Variants in CDH13 observed in about 807,000 individuals in gnomAD.
CDH13 encodes the protein cadherin-13.
CDH13 carries 24 observed loss-of-function variants against 63.8 expected under a neutral mutation model. The ratio of observed to expected loss-of-function variants is 0.38; its 90% confidence interval spans 0.27 to 0.53. The LOEUF (loss-of-function observed/expected upper bound fraction) is 0.53. Ranked by LOEUF, CDH13 falls within the 20% of genes least tolerant of loss-of-function variation. The pLI is 0.85. For missense variants in CDH13, 1,049 were observed against 903.1 expected, an observed-to-expected ratio of 1.16 and a Z score of -2.07; for synonymous variants, 503 against 355.3, an observed-to-expected ratio of 1.42 and a Z score of -4.67.
chr16:83,060,002 G>C (rs762853157), intron 3 of CDH13, among the ~76,000 whole-genome samples: 1 of 151,840 alleles, frequency 6.6e-6, no homozygotes, highest in Non-Finnish European at 1.5e-5. Flanking sequence ...CACCGTGTTA[G>C]CCAGGGTGGT....
At chr16:83,211,543 ATT>A (rs1228778918) in intron 4 of CDH13, among the ~76,000 whole-genome samples, 9 of 152,202 alleles carry the variant, frequency 5.9e-5, no homozygotes, top group Admixed American at 5.9e-4. Flanking sequence ...ACATTGTATC[ATT>A]CATTACAGCT....
chr16:82,814,240 C>G (rs1228130170), intron 1 of CDH13, among the ~76,000 whole-genome samples: 1 of 152,302 alleles, frequency 6.6e-6, no homozygotes, highest in South Asian at 2.1e-4. Context: ...ACATCTGACA[C>G]AGAGCTCCGA....
intron 10 of CDH13, among the ~76,000 whole-genome samples, chr16:83,698,125 A>G (rs949067446): frequency 6.6e-6 from 1 of 152,240 alleles, no homozygotes; most frequent in Non-Finnish European, 1.5e-5. Context: ...TTTGTTAGTT[A>G]ACGAATGAAT....
At chr16:83,079,861 T>C (rs2151559525) in intron 3 of CDH13, among the ~76,000 whole-genome samples, 1 of 152,330 alleles carries the variant, frequency 6.6e-6, no homozygotes, top group East Asian at 1.9e-4. Flanking sequence ...TTATATAAAT[T>C]TCTCTGGGGA....
chr16:82,836,117 A>G (rs1285833480), intron 1 of CDH13, among the ~76,000 whole-genome samples: 1 of 151,926 alleles, frequency 6.6e-6, no homozygotes, highest in African/African-American at 2.4e-5. Context: ...TTCATTTTGC[A>G]TTTTGTTTGC....
At chr16:83,101,581 G>A (rs998222516) in intron 3 of CDH13, among the ~76,000 whole-genome samples, 10 of 152,188 alleles carry the variant, frequency 6.6e-5, no homozygotes, top group Admixed American at 3.9e-4. Context: ...ATCACATGAG[G>A]TCAGGAGTTC....
chr16:83,791,224 C>T (rs927405551), intron 13 of CDH13, among the ~76,000 whole-genome samples: 1 of 152,142 alleles, frequency 6.6e-6, no homozygotes, highest in African/African-American at 2.4e-5. Flanking sequence ...GGACCAGGCA[C>T]GGTGGCTCAC....
In CDH13 at chr16:82,642,861, G is replaced by A. The variant is rs140729681; in HGVS notation, c.45+15724G>A. 3.0e-4 allele frequency among the ~76,000 whole-genome samples: 45 copies of A among 152,250 alleles called. 1 individual carries two copies. The East Asian group carries it at 7.7e-3, about 26-fold the overall frequency. ...ATGGTTTTAATCCCATTTCATAGGTGGGGAAACTTCAGGAGAACTTAGTAA... is the reference window on the plus strand; with the variant it reads ...ATGGTTTTAATCCCATTTCATAGGTAGGGAAACTTCAGGAGAACTTAGTAA... On this transcript the variant is annotated intron_variant, in intron 1 of 13. Transcript: ENST00000567109.
At chr16:83,618,327 A>T (rs1212123512) in intron 8 of CDH13, among the ~76,000 whole-genome samples, 2 of 151,692 alleles carry the variant, frequency 1.3e-5, no homozygotes, top group Non-Finnish European at 2.9e-5. Context: ...TAGGGGGCTG[A>T]GGCAGGAGAA....
At chr16:83,006,936 T>TTTG (rs1567737739) in intron 2 of CDH13, among the ~76,000 whole-genome samples, 69 of 148,386 alleles carry the variant, frequency 4.7e-4, no homozygotes, top group African/African-American at 1.6e-3. Flanking sequence ...TTGTTTGTTT[T>TTTG]TTTTGAGACA....
chr16:83,186,792 C>G, intron 4 of CDH13, among the ~76,000 whole-genome samples: 1 of 152,078 alleles, frequency 6.6e-6, no homozygotes, highest in East Asian at 1.9e-4. Flanking sequence ...TCTTGTGAGA[C>G]AAGCCAACTC....
At chr16:83,676,332 C>T (rs1479655706) in intron 9 of CDH13, among the ~76,000 whole-genome samples, 1 of 152,138 alleles carries the variant, frequency 6.6e-6, no homozygotes, top group Non-Finnish European at 1.5e-5. Context: ...GTGGAAATGG[C>T]CCTTGGGGGA....
intron 11 of CDH13, among the ~76,000 whole-genome samples, chr16:83,756,825 A>G (rs1338861111): frequency 4.6e-5 from 7 of 152,236 alleles, no homozygotes. Flanking sequence ...AAGTAGACAA[A>G]TCTACAATCA....
chr16:83,180,990 T>G, intron 4 of CDH13: 2 of 1,529,516 alleles, frequency 1.3e-6, no homozygotes, highest in South Asian at 1.2e-5. Flanking sequence ...ATTATTGCTT[T>G]AAAGGAATAA....
intron 10 of CDH13, among the ~76,000 whole-genome samples, chr16:83,690,520 G>C (rs1413909082): frequency 6.6e-6 from 1 of 152,148 alleles, no homozygotes; most frequent in African/African-American, 2.4e-5. Flanking sequence ...GGGAAATGAG[G>C]CCGATGCTCC....
intron 2 of CDH13, among the ~76,000 whole-genome samples, chr16:82,881,030 C>G (rs2040684338): frequency 6.6e-6 from 1 of 152,176 alleles, no homozygotes; most frequent in Non-Finnish European, 1.5e-5. Context: ...TTATCTTGAC[C>G]CTTTCAAATG....
intron 13 of CDH13, among the ~76,000 whole-genome samples, chr16:83,793,417 G>A (rs1019584479): frequency 3.3e-5 from 5 of 152,172 alleles, no homozygotes; most frequent in African/African-American, 4.8e-5. Context: ...CCCCGCAGCT[G>A]GCCATAAGGA....
At chr16:82,805,470 A>G (rs1400611219) in intron 1 of CDH13, among the ~76,000 whole-genome samples, 2 of 152,184 alleles carry the variant, frequency 1.3e-5, no homozygotes, top group Non-Finnish European at 2.9e-5. Flanking sequence ...CAAATCTTGC[A>G]AAATGCCAGA....
At chr16:82,805,026 A>G (rs907468999) in intron 1 of CDH13, among the ~76,000 whole-genome samples, 7 of 152,182 alleles carry the variant, frequency 4.6e-5, no homozygotes, top group Non-Finnish European at 1.0e-4. Flanking sequence ...CAGAGGCGTA[A>G]AGGAAAAGCA....
Sources: gnomAD v4.1 joint callset for allele counts (sites outside exome capture counted in the v4.1 genomes callset) on GRCh38, gnomAD v4.1.1 for gene constraint, MANE v1.5 for transcripts, NCBI Gene and HGNC (gene_info 2026-07-23, HGNC 2026-07-21) for gene names.